The following ZKSCAN7 variants were observed in gnomAD, a reference collection of about 807,000 sequenced individuals.
ZKSCAN7 encodes zinc finger protein with KRAB and SCAN domains 7.
ZKSCAN7 carries 38 observed loss-of-function variants against 65.3 expected under a neutral mutation model. The ratio of observed to expected loss-of-function variants is 0.58; its 90% confidence interval spans 0.45 to 0.76. The LOEUF (loss-of-function observed/expected upper bound fraction) is 0.76. Among genes scored for constraint, ZKSCAN7 ranks in the 30% least tolerant of loss-of-function variants. The probability of loss-of-function intolerance (pLI) is 0.00; values close to 1 mark genes in which losing one functional copy is unlikely to be tolerated. For synonymous variants in ZKSCAN7, 321 were observed against 321.0 expected (o/e 1.00, Z 0.00); for missense variants, 815 against 913.3 (o/e 0.89, Z 1.39).
intron 2 of ZKSCAN7, among the ~76,000 whole-genome samples, chr3:44,561,245 A>G (rs116506401): frequency 0.012 from 1,761 of 151,490 alleles, 22 homozygotes; most frequent in Non-Finnish European, 0.018. Flanking sequence ...GGAAGGAAGG[A>G]CCTTCTTCAC....
In ZKSCAN7 at chr3:44,570,966, G is replaced by C. The variant is rs1459706694; in HGVS notation, c.1856G>C (p.Ser619Thr). ...GAGTGTGGTAAGGCATTTGGTCTGA[G>C]TAAATGTCTTATTCGGCACCAGAGA... ...CSECGKAFGLSKCLIRHQRLH... is the reference protein window; with the variant it reads ...CSECGKAFGLTKCLIRHQRLH... Residue 619 changes from serine (S) to threonine (T), a missense_variant, in exon 6 of 6, where the codon AGT becomes ACT. Around this residue, in one of 3 missense-constraint regions of ZKSCAN7, gnomAD observed 578 missense variants for 629.5 expected, o/e 0.92. Coordinates refer to ENST00000426540, the MANE Select transcript of ZKSCAN7 (RefSeq NM_001288590.2). 1 of 1,614,204 alleles carries C rather than the reference G, an allele frequency of 6.2e-7. No individual in the cohort carries two copies. Among genetic ancestry groups the C allele is most frequent in the Non-Finnish European group, 8.5e-7 (1 of 1,180,036 alleles).
At position 44,571,669 on chromosome 3, in the gene ZKSCAN7, C is replaced by T. The variant is rs900443280; in HGVS notation, c.*294C>T. On this transcript the variant is annotated 3_prime_UTR_variant, in exon 6 of 6. Coordinates refer to ENST00000426540, the MANE Select transcript of ZKSCAN7 (RefSeq NM_001288590.2). ...CTTAGTTATGCATCTCATAATCAGA[C>T]TCCATGCTTTTTAAAGACAGAGATA... 1.6e-6 allele frequency: 2 copies of T among 1,225,742 alleles called. No individual in the cohort carries two copies. Among genetic ancestry groups the T allele is most frequent in the African/African-American group, 3.1e-5 (2 of 64,884 alleles). The allele number at this position is 1,225,742 out of a possible 1,614,324, so 75.9% of individuals were successfully genotyped here. A position where few individuals can be genotyped will look rare whatever the true frequency, so the allele number is the denominator to read the frequency against.
intron 2 of ZKSCAN7, among the ~76,000 whole-genome samples, chr3:44,562,722 C>T (rs1699510206): frequency 6.6e-6 from 1 of 152,216 alleles, no homozygotes; most frequent in Non-Finnish European, 1.5e-5. Context: ...GTGGCTCACG[C>T]CTGTAATCCC....
At chr3:44,566,275 C>T (rs1699628497) in intron 3 of ZKSCAN7, among the ~76,000 whole-genome samples, 1 of 152,126 alleles carries the variant, frequency 6.6e-6, no homozygotes, top group Non-Finnish European at 1.5e-5. Flanking sequence ...GAACCTGGGC[C>T]TTGTTTGTAC....
chr3:44,556,793 C>T (rs1699307058), intron 1 of ZKSCAN7, 137 bp from the exon 2 acceptor site: 6 of 552,426 alleles, frequency 1.1e-5, no homozygotes, highest in South Asian at 1.1e-4. Flanking sequence ...AGAAGGGCAT[C>T]ATTTGGAGAG....
In ZKSCAN7 at chr3:44,568,188, A is replaced by C. The variant is rs868130703; in HGVS notation, c.685-119A>C. 5.2e-6 allele frequency: 8 copies of C among 1,544,406 alleles called. No homozygotes were observed. The Middle Eastern group carries it at 1.2e-3, about 227-fold the overall frequency. ...CTTGTCCTTTTCGAGGTGTCATCTC[A>C]GCTCCTCTCTCCCATACTTTTGCCC... On this transcript the variant is annotated intron_variant, in intron 4 of 5. Transcript: ENST00000426540.
In ZKSCAN7 at chr3:44,557,197, C is replaced by T. The variant is rs750577853; in HGVS notation, c.150C>T (p.Cys50=). The change falls in exon 2 of 6, where the codon TGC becomes TGT. Residue 50 remains cysteine (C), a synonymous_variant. Coordinates refer to ENST00000426540, the MANE Select transcript of ZKSCAN7 (RefSeq NM_001288590.2). ...TCCAGAAGAACTATCCTCCTGTCTG[C>T]GAAATCTTCCGGCTACACTTCAGGC... ...SSLQKNYPPV[C]EIFRLHFRQL... is the part of the protein sequence containing the mutation. 8 of 1,614,254 alleles carry T rather than the reference C, an allele frequency of 5.0e-6. No individual in the cohort carries two copies. The highest frequency in any genetic ancestry group is 4.5e-5 in the East Asian group (2 of 44,890).
chr3:44,564,038 C>T (rs1699559104), intron 2 of ZKSCAN7, among the ~76,000 whole-genome samples: 1 of 152,118 alleles, frequency 6.6e-6, no homozygotes, highest in Non-Finnish European at 1.5e-5. Flanking sequence ...TAGGGTGAAT[C>T]CTGTGTGGTT....
chr3:44,557,327 C>T lies in ZKSCAN7; in HGVS notation c.280C>T (p.Leu94=). 1.9e-6 allele frequency: 3 copies of T among 1,614,278 alleles called. No homozygotes were observed. The highest frequency in any genetic ancestry group is 2.5e-6 in the Non-Finnish European group (3 of 1,180,054). Residue 94 remains leucine (L), a synonymous_variant, in exon 2 of 6, where the codon CTG becomes TTG. Transcript: ENST00000426540. ...AGAGGTGCACACCAAGGAGCAGATC[C>T]TGGAGCTGCTGGTGCTTGAGCAGTT... ...MPEVHTKEQI[L]ELLVLEQFLS... is the part of the protein sequence containing the mutation.
chr3:44,578,149 T>C, intron 5 of ZKSCAN7: 1 of 1,521,348 alleles, frequency 6.6e-7, no homozygotes, highest in Non-Finnish European at 9.1e-7. Flanking sequence ...AGCTGCTCTT[T>C]CAACCTGCTG....
At position 44,571,561 on chromosome 3, in the gene ZKSCAN7, A is replaced by G; in HGVS notation, c.*186A>G. On this transcript the variant is annotated 3_prime_UTR_variant, in exon 6 of 6. Coordinates refer to ENST00000426540, the MANE Select transcript of ZKSCAN7 (RefSeq NM_001288590.2). The stretch of plus-strand genomic sequence containing the variant: ...AGTTCTTACCCATTATTAGGAAGGT[A>G]AGGACTACACATGTCATTGAATTGT... The G allele has an allele frequency of 1.4e-6, 2 of 1,475,306 alleles. No homozygotes were observed. The highest frequency in any genetic ancestry group is 2.4e-5 in the East Asian group (1 of 42,454). 91.4% of individuals were successfully genotyped at this position (1,475,306 alleles called of 1,614,324 possible). A position where few individuals can be genotyped will look rare whatever the true frequency, so the allele number is the denominator to read the frequency against.
chr3:44,571,322 C>T lies in ZKSCAN7; in HGVS notation c.2212C>T (p.Gln738Ter), dbSNP rs781340732. 3 of 1,614,080 alleles carry T rather than the reference C, an allele frequency of 1.9e-6. No individual in the cohort carries two copies. The highest frequency in any genetic ancestry group is 1.1e-5 in the South Asian group (1 of 91,086). The part of the protein sequence containing the change: ...FSQRSTFNHH[Q>*]RTHTGEKSSG... ...TCAGCGTTCCACTTTTAATCACCACCAGCGAACTCACACTGGAGAGAAGTC... is the reference window on the plus strand; with the variant it reads ...TCAGCGTTCCACTTTTAATCACCACTAGCGAACTCACACTGGAGAGAAGTC... The change falls in exon 6 of 6, where the codon CAG (glutamine) becomes TAG (stop). Residue 738 changes from glutamine to a stop codon, truncating the protein, a stop_gained. Coordinates refer to ENST00000426540, the MANE Select transcript of ZKSCAN7 (RefSeq NM_001288590.2). LOFTEE classifies it high-confidence loss of function.
In ZKSCAN7 at chr3:44,557,273, C is replaced by A. The variant is rs746326139; in HGVS notation, c.226C>A (p.Arg76=). Residue 76 remains arginine, a synonymous_variant, in exon 2 of 6, where the codon CGG becomes AGG. Transcript: ENST00000426540. The part of the protein sequence containing the change: ...SGPQEALSRL[R]ELCRWWLMPE... ...GCCGCAGGAAGCATTGAGCCGGCTT[C>A]GGGAGCTCTGCCGCTGGTGGCTCAT... 1.2e-6 allele frequency: 2 copies of A among 1,614,150 alleles called. No homozygotes were observed. The highest frequency in any genetic ancestry group is 2.2e-5 in the South Asian group (2 of 91,086).
chr3:44,567,154 GAAAGAA>G lies in ZKSCAN7; in HGVS notation c.593-752_593-747del, dbSNP rs1699657232. Among the ~76,000 whole-genome samples the G allele has an allele frequency of 1.6e-5, 2 of 124,130 alleles. 1 individual carries two copies. The highest frequency in any genetic ancestry group is 3.3e-5 in the Non-Finnish European group (2 of 60,138). The allele number at this position is 124,130 out of a possible 152,430, so 81.4% of individuals were successfully genotyped here. On this transcript the variant is annotated intron_variant, in intron 3 of 5. Transcript: ENST00000426540. Reference sequence around the variant, plus strand: ...GAGAAAGAGAAAGAAAGGAAAGAAAGAAAGAAAAAGAGAAGAGAAAAGAAAAGAGAG... The same window carrying G: ...GAGAAAGAGAAAGAAAGGAAAGAAAGAAAGAGAAGAGAAAAGAAAAGAGAG...
At chr3:44,563,753 A>G (rs1699552463) in intron 2 of ZKSCAN7, among the ~76,000 whole-genome samples, 2 of 151,790 alleles carry the variant, frequency 1.3e-5, no homozygotes, top group Non-Finnish European at 2.9e-5. Context: ...TCAAAGTCCT[A>G]GATAATGAAC....
At chr3:44,575,575 CTATTT>C (rs1699906916), downstream of ZKSCAN7, among the ~76,000 whole-genome samples, 1 of 152,078 alleles carries the variant, frequency 6.6e-6, no homozygotes, top group Non-Finnish European at 1.5e-5. Context: ...TGGGATAAAT[CTATTT>C]TATTTATTTA....
Position 44,570,724 on chromosome 3 carries a change from C to T in ZKSCAN7, c.1614C>T (p.Leu538=), listed in dbSNP as rs1575375360. 1 of 1,613,482 alleles carries T rather than the reference C, an allele frequency of 6.2e-7. No homozygotes were observed. Among genetic ancestry groups the T allele is most frequent in the Non-Finnish European group, 8.5e-7 (1 of 1,179,836 alleles). ...CGRAFCSNRN[L]IDHQRIHTGE... is the part of the protein sequence containing the mutation. ...GAGCATTCTGTTCCAATAGAAATCT[C>T]ATTGACCATCAGAGAATCCACACTG... is the stretch of plus-strand genomic sequence containing the variant. Residue 538 remains leucine, a synonymous_variant, in exon 6 of 6, where the codon CTC becomes CTT. Coordinates refer to ENST00000426540, the MANE Select transcript of ZKSCAN7 (RefSeq NM_001288590.2).
At chr3:44,561,187 A>G (rs1017317362) in intron 2 of ZKSCAN7, among the ~76,000 whole-genome samples, 1 of 152,250 alleles carries the variant, frequency 6.6e-6, no homozygotes, top group African/African-American at 2.4e-5. Context: ...AACAGGAAGC[A>G]TGACTGGGAG....
rs1244898954 is a variant in ZKSCAN7, at chr3:44,570,213, C to T, written c.1103C>T (p.Ser368Phe). The change falls in exon 6 of 6, where the codon TCC (serine) becomes TTC (phenylalanine). Residue 368 changes from serine to phenylalanine, a missense_variant. Physicochemically the swap from Ser to Phe is radical, Grantham distance 155. Coordinates refer to ENST00000426540, the MANE Select transcript of ZKSCAN7 (RefSeq NM_001288590.2). ...KEVGEHPPLS[S>F]SPVEHEGVLK... ...GTTGGGGAACATCCACCTCTGTCTT[C>T]CAGTCCTGTTGAACATGAAGGAGTT... 1 of 1,614,120 alleles carries T rather than the reference C, an allele frequency of 6.2e-7. No individual in the cohort carries two copies. Among genetic ancestry groups the T allele is most frequent in the Non-Finnish European group, 8.5e-7 (1 of 1,180,052 alleles).
Sources: allele counts gnomAD v4.1 joint callset (sites outside exome capture counted in the v4.1 genomes callset), GRCh38; gene constraint gnomAD v4.1.1; regional missense constraint gnomAD v4.1.1; transcripts MANE v1.5; gene names NCBI Gene and HGNC (gene_info 2026-07-23, HGNC 2026-07-21).